WRN: variants seen among roughly 807,000 people sequenced by gnomAD.
WRN encodes the protein WRN RecQ like helicase.
WRN carries 149 observed loss-of-function variants against 180.7 expected under a neutral mutation model. The observed-to-expected ratio is 0.82, with a 90% CI of 0.72 to 0.94. The LOEUF (loss-of-function observed/expected upper bound fraction) is 0.94, where lower values mean the gene tolerates loss of function less well. Among genes scored for constraint, WRN ranks in the 40% least tolerant of loss-of-function variants. The pLI is 0.00. For missense variants in WRN, 1,661 were observed against 1,700.1 expected, an observed-to-expected ratio of 0.98 and a Z score of 0.40; for synonymous variants, 548 against 568.9, an observed-to-expected ratio of 0.96 and a Z score of 0.52.
chr8:31,049,429 G>C (rs1396656865), intron 1 of WRN, among the ~76,000 whole-genome samples: 1 of 151,456 alleles, frequency 6.6e-6, no homozygotes, highest in African/African-American at 2.4e-5. Flanking sequence ...CTACTTGGGA[G>C]GCTGAGTGGG....
intron 8 of WRN, among the ~76,000 whole-genome samples, chr8:31,078,107 T>G (rs948558421): frequency 3.3e-5 from 5 of 152,194 alleles, no homozygotes; most frequent in African/African-American, 7.2e-5. Flanking sequence ...GTGCCTTGAG[T>G]GCTTTTTTCC....
Position 31,132,499 on chromosome 8 carries a change from G to A in WRN, c.2960G>A (p.Arg987Gln), listed in dbSNP as rs569405870. The part of the protein sequence containing the change: ...FGIGLPILFL[R>Q]GSNSQRLADQ... ...ATTGGGCTTCCAATTTTATTTCTCCGAGGATCTGTAAGTATATATCTGTGA... is the reference window on the plus strand; with the variant it reads ...ATTGGGCTTCCAATTTTATTTCTCCAAGGATCTGTAAGTATATATCTGTGA... The change falls in exon 24 of 35, where the codon CGA becomes CAA. Residue 987 changes from arginine (R) to glutamine (Q), a missense_variant. Transcript: ENST00000298139. 13 of 1,614,076 alleles carry A rather than the reference G, an allele frequency of 8.1e-6. No individual in the cohort carries two copies. In the East Asian group the frequency reaches 1.1e-4, roughly 14 times the overall value.
intron 24 of WRN, among the ~76,000 whole-genome samples, chr8:31,139,508 C>A (rs576103285): frequency 6.6e-6 from 1 of 152,254 alleles, no homozygotes; most frequent in African/African-American, 2.4e-5. Context: ...CTTCTGTGAT[C>A]AAGAAGCCAT....
chr8:31,158,965 T>C (rs181570413), intron 33 of WRN, among the ~76,000 whole-genome samples: 3 of 152,184 alleles, frequency 2.0e-5, no homozygotes, highest in Admixed American at 2.0e-4. Flanking sequence ...TGCATGTTCT[T>C]ACTTACAAGC....
chr8:31,124,030 G>A (rs950386835), intron 21 of WRN, among the ~76,000 whole-genome samples: 7 of 152,090 alleles, frequency 4.6e-5, no homozygotes, highest in Non-Finnish European at 1.0e-4. Context: ...TTTGGAGGGC[G>A]AGAAGTCCTG....
At chr8:31,143,021 A>G (rs1271339580) in intron 27 of WRN, among the ~76,000 whole-genome samples, 3 of 100,744 alleles carry the variant, frequency 3.0e-5, no homozygotes, top group Non-Finnish European at 6.3e-5. Flanking sequence ...TGTTCTTATT[A>G]AAGACACACA....
At chr8:31,090,328 GT>G in intron 13 of WRN, 136 bp from the exon 14 acceptor site, 1 of 795,050 alleles carries the variant, frequency 1.3e-6, no homozygotes, top group East Asian at 2.6e-5. Context: ...TTGTTTTAAA[GT>G]TCCAGGTTTG....
chr8:31,110,388 G>C (rs1801264139), intron 18 of WRN, among the ~76,000 whole-genome samples: 1 of 152,094 alleles, frequency 6.6e-6, no homozygotes. Flanking sequence ...TAAGGATAAA[G>C]AATGCAAAAA....
At chr8:31,070,185 A>G (rs757784842) in intron 7 of WRN, among the ~76,000 whole-genome samples, 3 of 150,344 alleles carry the variant, frequency 2.0e-5, no homozygotes, top group Non-Finnish European at 4.4e-5. Flanking sequence ...TTTTGCACCA[A>G]CCTAATAACT....
At chr8:31,084,654 T>G (rs73581710) in intron 10 of WRN, among the ~76,000 whole-genome samples, 2,805 of 152,296 alleles carry the variant, frequency 0.018, 70 homozygotes, top group African/African-American at 0.064. Context: ...GGCAGTAGAC[T>G]GAATAAATAA....
chr8:31,067,104 C>T lies in WRN; in HGVS notation c.576C>T (p.Asp192=), dbSNP rs771397499. The change falls in exon 6 of 35, where the codon GAC becomes GAT. Residue 192 remains aspartate (D), a synonymous_variant. Transcript: ENST00000298139. ...KHLLGKQLLK[D]KSIRCSNWSK... Reference sequence around the variant, plus strand: ...TCTTAGGTAAACAGCTCCTGAAAGACAAGTCTATCCGCTGTAGCAATTGGA... The same window carrying T: ...TCTTAGGTAAACAGCTCCTGAAAGATAAGTCTATCCGCTGTAGCAATTGGA... 6.2e-7 allele frequency: 1 copy of T among 1,613,934 alleles called. No homozygotes were observed. Among genetic ancestry groups the T allele is most frequent in the East Asian group, 2.2e-5 (1 of 44,828 alleles).
At chr8:31,149,528 G>A (rs1803026786) in intron 30 of WRN, among the ~76,000 whole-genome samples, 1 of 106,434 alleles carries the variant, frequency 9.4e-6, no homozygotes, top group South Asian at 3.9e-4. Context: ...AGGCTAGAGT[G>A]CAGTGGCGCG....
At chr8:31,083,389 G>T (rs2344454) in intron 9 of WRN, among the ~76,000 whole-genome samples, 5 of 152,284 alleles carry the variant, frequency 3.3e-5, no homozygotes, top group East Asian at 1.9e-4. Context: ...GAGACACAGT[G>T]TGACATTGTT....
chr8:31,169,860 A>T (rs1477274569), intron 34 of WRN, among the ~76,000 whole-genome samples: 2 of 149,962 alleles, frequency 1.3e-5, no homozygotes, highest in Non-Finnish European at 3.0e-5. Context: ...AGCCTCGGCT[A>T]GTCCCAGGGT....
At chr8:31,074,938 G>A (rs946439729) in intron 7 of WRN, among the ~76,000 whole-genome samples, 1 of 152,180 alleles carries the variant, frequency 6.6e-6, no homozygotes, top group Non-Finnish European at 1.5e-5. Flanking sequence ...AGGGATGCTG[G>A]TGTTCTCAGG....
chr8:31,097,049 G>A (rs1652031356), intron 17 of WRN, among the ~76,000 whole-genome samples, 199 bp downstream of exon 17: 1 of 152,166 alleles, frequency 6.6e-6, no homozygotes, highest in African/African-American at 2.4e-5. Flanking sequence ...ATAGAAATTA[G>A]GCTCTGTTAT....
At chr8:31,045,861 T>A (rs542508501) in intron 1 of WRN, among the ~76,000 whole-genome samples, 4 of 152,344 alleles carry the variant, frequency 2.6e-5, no homozygotes, top group Admixed American at 2.0e-4. Flanking sequence ...AAAATTCTGA[T>A]GACTTTTTTT....
At chr8:31,043,382 T>C (rs1188923597) in intron 1 of WRN, among the ~76,000 whole-genome samples, 1 of 152,162 alleles carries the variant, frequency 6.6e-6, no homozygotes, top group Non-Finnish European at 1.5e-5. Context: ...CAAGGGGAAT[T>C]GGATTTTCCT....
chr8:31,160,013 T>G (rs559373185), intron 33 of WRN, among the ~76,000 whole-genome samples: 25 of 144,466 alleles, frequency 1.7e-4, no homozygotes, highest in Non-Finnish European at 3.5e-4. Context: ...CTAGAATGAC[T>G]CAAGATTGGA....
Sources: gnomAD v4.1 joint callset for allele counts (sites outside exome capture counted in the v4.1 genomes callset) on GRCh38, gnomAD v4.1.1 for gene constraint, MANE v1.5 for transcripts, NCBI Gene and HGNC (gene_info 2026-07-23, HGNC 2026-07-21) for gene names.